Variants in CNTN5 observed in about 807,000 individuals in gnomAD.
CNTN5 encodes the protein contactin-5.
In CNTN5, 77 loss-of-function variants were observed where a neutral mutation model predicts 129.1. That is an observed-to-expected ratio of 0.60 (90% CI 0.50 to 0.72). The LOEUF is 0.72. Ranked by LOEUF, CNTN5 falls within the 30% of genes least tolerant of loss-of-function variation. The pLI is 0.00. For missense variants in CNTN5, 1,478 were observed against 1,328.8 expected (o/e 1.11, Z -1.75); for synonymous variants, 509 against 465.6 (o/e 1.09, Z -1.20).
At chr11:99,811,750 T>C (rs1416373546) in intron 3 of CNTN5, among the ~76,000 whole-genome samples, 1 of 152,026 alleles carries the variant, frequency 6.6e-6, no homozygotes, top group Non-Finnish European at 1.5e-5. Context: ...AATTTCATGG[T>C]GTGAGAGCAC....
intron 15 of CNTN5, among the ~76,000 whole-genome samples, chr11:100,216,842 A>T (rs1189887092): frequency 1.3e-5 from 2 of 152,156 alleles, no homozygotes; most frequent in Non-Finnish European, 2.9e-5. Context: ...TGAATTAACT[A>T]GTGCAAGTGA....
rs376151749 is a variant in CNTN5 at position 99,528,843 on chromosome 11, C to G, written c.-70-27302C>G. Among the ~76,000 whole-genome samples, 271 of 151,918 alleles carry G rather than the reference C, an allele frequency of 1.8e-3. 1 individual carries two copies. Among genetic ancestry groups the G allele is most frequent in the African/African-American group, 6.1e-3 (254 of 41,398 alleles). On this transcript the variant is annotated intron_variant, in intron 2 of 24. Transcript: ENST00000524871. ...CTTTGGGAGGCCAAGGCGGGTGGATCACCTGAGGTCAGGAGTTCGAGAACA... is the reference window on the plus strand; with the variant it reads ...CTTTGGGAGGCCAAGGCGGGTGGATGACCTGAGGTCAGGAGTTCGAGAACA...
At chr11:99,148,023 A>G (rs2135480251) in intron 1 of CNTN5, among the ~76,000 whole-genome samples, 1 of 152,240 alleles carries the variant, frequency 6.6e-6, no homozygotes, top group South Asian at 2.1e-4. Flanking sequence ...AATAGTAGGG[A>G]TTTAATAGTA....
intron 3 of CNTN5, among the ~76,000 whole-genome samples, chr11:99,742,823 C>A (rs1943928555): frequency 6.6e-6 from 1 of 152,164 alleles, no homozygotes; most frequent in Non-Finnish European, 1.5e-5. Flanking sequence ...TCATGTAGAT[C>A]ATTCTAGAAA....
At chr11:100,139,866 GAAGA>G (rs1249018353) in intron 13 of CNTN5, among the ~76,000 whole-genome samples, 3 of 151,964 alleles carry the variant, frequency 2.0e-5, no homozygotes, top group African/African-American at 7.2e-5. Context: ...AAGAAAAAAA[GAAGA>G]AAGAAAATAA....
At chr11:99,929,755 A>G (rs11221932) in intron 7 of CNTN5, among the ~76,000 whole-genome samples, 9,454 of 152,160 alleles carry the variant, frequency 0.062, 561 homozygotes, top group East Asian at 0.27. Flanking sequence ...AGATTATGGG[A>G]GCTACAATTT....
chr11:99,303,419 T>C (rs73000276), intron 1 of CNTN5, among the ~76,000 whole-genome samples: 22,396 of 151,332 alleles, frequency 0.15, 1,894 homozygotes, highest in South Asian at 0.26. Context: ...GTATTACAGA[T>C]TTGAGACACA....
chr11:100,158,974 C>A (rs1193557079), intron 13 of CNTN5, among the ~76,000 whole-genome samples: 1 of 151,842 alleles, frequency 6.6e-6, no homozygotes, highest in East Asian at 1.9e-4. Flanking sequence ...TAATGGAATA[C>A]TATGCAACAA....
chr11:99,297,062 G>C (rs1448514442), intron 1 of CNTN5, among the ~76,000 whole-genome samples: 1 of 152,312 alleles, frequency 6.6e-6, no homozygotes, highest in Middle Eastern at 3.4e-3. Context: ...GGAGTCTAGA[G>C]TAGTTAAATT....
At chr11:99,312,396 A>G (rs1303838935) in intron 1 of CNTN5, among the ~76,000 whole-genome samples, 4 of 152,178 alleles carry the variant, frequency 2.6e-5, no homozygotes, top group Non-Finnish European at 4.4e-5. Context: ...TATGTGTTAA[A>G]AAAATAATGC....
intron 3 of CNTN5, among the ~76,000 whole-genome samples, chr11:99,593,060 G>C (rs1259508742): frequency 6.6e-6 from 1 of 152,180 alleles, no homozygotes; most frequent in Non-Finnish European, 1.5e-5. Flanking sequence ...GCAAGAATGT[G>C]TAAATAAATG....
At chr11:99,556,750 A>G (rs1047683785) in intron 3 of CNTN5, among the ~76,000 whole-genome samples, 1 of 150,684 alleles carries the variant, frequency 6.6e-6, no homozygotes, top group East Asian at 1.9e-4. Flanking sequence ...GCTTTATTAT[A>G]TATAACACAG....
At chr11:99,874,145 CCTACCATTTCACAATACAT>C (rs1948575279) in intron 6 of CNTN5, among the ~76,000 whole-genome samples, 1 of 152,112 alleles carries the variant, frequency 6.6e-6, no homozygotes, top group Non-Finnish European at 1.5e-5. Flanking sequence ...AAGCCCAATA[CCTACCATTTCACAATACAT>C]CCATGTGACA....
At chr11:100,316,433 T>C (rs932591887) in intron 21 of CNTN5, among the ~76,000 whole-genome samples, 2 of 152,112 alleles carry the variant, frequency 1.3e-5, no homozygotes, top group Non-Finnish European at 2.9e-5. Context: ...AAAAAAGAAA[T>C]ACGTTGGAAC....
intron 4 of CNTN5, among the ~76,000 whole-genome samples, chr11:99,828,579 A>G (rs1947041458): frequency 6.6e-6 from 1 of 152,234 alleles, no homozygotes; most frequent in African/African-American, 2.4e-5. Flanking sequence ...AGCACCTTGA[A>G]ATCATAGCCG....
intron 13 of CNTN5, among the ~76,000 whole-genome samples, chr11:100,091,152 TC>T (rs1944766088): frequency 6.6e-6 from 1 of 152,038 alleles, no homozygotes; most frequent in African/African-American, 2.4e-5. Context: ...ATCATTACAC[TC>T]CCTGTTCGGT....
intron 16 of CNTN5, 23 bp from the exon 17 acceptor site, chr11:100,255,737 T>A (rs755600794): frequency 6.2e-7 from 1 of 1,607,986 alleles, no homozygotes; most frequent in East Asian, 2.2e-5. Flanking sequence ...TGCTTAACTT[T>A]ATCCATTGCC....
intron 1 of CNTN5, among the ~76,000 whole-genome samples, chr11:99,241,318 G>GTTTTTTTTTTTTTTTTTTTTTTTTTTT (rs10648459): frequency 1.2e-4 from 11 of 88,044 alleles, no homozygotes; most frequent in Admixed American, 1.5e-4. Flanking sequence ...TTGATTGTTG[G>GTTTTTTTTTTTTTTTTTTTTTTTTTTT]TTTTTTTTTT....
chr11:99,260,695 T>C (rs910746068), intron 1 of CNTN5, among the ~76,000 whole-genome samples: 1 of 151,866 alleles, frequency 6.6e-6, no homozygotes. Flanking sequence ...AGAAAAAATA[T>C]GGTATTATTG....
Sources: gnomAD v4.1 joint callset for allele counts (sites outside exome capture counted in the v4.1 genomes callset) on GRCh38, gnomAD v4.1.1 for gene constraint, MANE v1.5 for transcripts, NCBI Gene and HGNC (gene_info 2026-07-23, HGNC 2026-07-21) for gene names.